Variants in RTN4IP1 observed in about 807,000 individuals in gnomAD.
RTN4IP1 encodes the protein NAD(P)H oxidoreductase RTN4IP1, mitochondrial.
A neutral mutation model predicts 46.6 loss-of-function variants in RTN4IP1; 32 were observed. That is an observed-to-expected ratio of 0.69 (90% CI 0.52 to 0.92). RTN4IP1 has a LOEUF of 0.92. Among genes scored for constraint, RTN4IP1 ranks in the 40% least tolerant of loss-of-function variants. The pLI is 0.00. For synonymous variants in RTN4IP1, 167 were observed against 161.8 expected (o/e 1.03, Z -0.24); for missense variants, 424 against 485.8 (o/e 0.87, Z 1.20).
intron 1 of RTN4IP1, among the ~76,000 whole-genome samples, chr6:106,623,643 T>G (rs1776552942): frequency 6.6e-6 from 1 of 152,236 alleles, no homozygotes; most frequent in Non-Finnish European, 1.5e-5. Flanking sequence ...AATCACTTAT[T>G]AAACTAAAGC....
intron 7 of RTN4IP1, among the ~76,000 whole-genome samples, chr6:106,585,919 A>G (rs962949736): frequency 6.6e-6 from 1 of 152,258 alleles, no homozygotes; most frequent in African/African-American, 2.4e-5. Context: ...AAAGCACTGG[A>G]AAATCTGGGT....
chr6:106,585,886 C>T (rs1343740614), intron 7 of RTN4IP1, among the ~76,000 whole-genome samples: 1 of 152,162 alleles, frequency 6.6e-6, no homozygotes, highest in Non-Finnish European at 1.5e-5. Context: ...TGAAATCTTA[C>T]AGAAAACTTA....
At chr6:106,623,976 T>G (rs938130056) in intron 1 of RTN4IP1, among the ~76,000 whole-genome samples, 5 of 152,236 alleles carry the variant, frequency 3.3e-5, no homozygotes, top group African/African-American at 1.2e-4. Context: ...TTGAAATAAA[T>G]TGGAATAAAT....
At position 106,602,884 on chromosome 6, in the gene RTN4IP1, A is replaced by G. The variant is rs915859150; in HGVS notation, c.659T>C (p.Phe220Ser). 4 of 1,602,370 alleles carry G rather than the reference A, an allele frequency of 2.5e-6. No individual in the cohort carries two copies. Among genetic ancestry groups the G allele is most frequent in the East Asian group, 2.2e-5 (1 of 44,466 alleles). The part of the protein sequence containing the change: ...ILGASGGVGT[F>S]AIQVMKAWDA... ...AAAAAATGGTTTTACCTGTATAGCA[A>G]AAGTACCAACTCCGCCTGAAGCGCC... The change falls in exon 5 of 9, where the codon TTT (phenylalanine) becomes TCT (serine). Residue 220 changes from phenylalanine to serine, a missense_variant. Transcript: ENST00000369063.
intron 4 of RTN4IP1, among the ~76,000 whole-genome samples, chr6:106,611,174 T>C (rs1277568604): frequency 6.6e-6 from 1 of 152,208 alleles, no homozygotes; most frequent in Non-Finnish European, 1.5e-5. Context: ...GCTGGGTATC[T>C]AGAGTCACGG....
In RTN4IP1 at chr6:106,622,799, G is replaced by GACAT; in HGVS notation, c.426+18_426+19insATGT. On this transcript the variant is annotated intron_variant, in intron 2 of 8. Coordinates refer to ENST00000369063, the MANE Select transcript of RTN4IP1 (RefSeq NM_032730.5). ...TGTGGGTTGGATCCCCGCAGGAATAGTGGCATTCCCTAACTCACCTCATCT... is the reference window on the plus strand; with the variant it reads ...TGTGGGTTGGATCCCCGCAGGAATAGACATTGGCATTCCCTAACTCACCTCATCT... The GACAT allele has an allele frequency of 6.2e-7, 1 of 1,606,172 alleles. No individual in the cohort carries two copies. The highest frequency in any genetic ancestry group is 8.5e-7 in the Non-Finnish European group (1 of 1,175,572).
chr6:106,622,896 A>G lies in RTN4IP1; in HGVS notation c.348T>C (p.Pro116=). The G allele has an allele frequency of 6.2e-7, 1 of 1,614,198 alleles. No individual in the cohort carries two copies. Among genetic ancestry groups the G allele is most frequent in the Non-Finnish European group, 8.5e-7 (1 of 1,180,028 alleles). The part of the protein sequence containing the change: ...LHVKIKGEEF[P]LTLGRDVSGV... ...CAGAGACATCCCGACCCAGAGTCAG[A>G]GGAAATTCTTCTCCTTTGATTTTCA... Residue 116 remains proline (P), a synonymous_variant, in exon 2 of 9, where the codon CCT becomes CCC. Coordinates refer to ENST00000369063, the MANE Select transcript of RTN4IP1 (RefSeq NM_032730.5).
intron 4 of RTN4IP1, among the ~76,000 whole-genome samples, chr6:106,611,810 G>A (rs1776231910): frequency 1.3e-5 from 2 of 152,196 alleles, no homozygotes; most frequent in Non-Finnish European, 2.9e-5. Context: ...AAGAGTTTGT[G>A]TGTGAATTAA....
In RTN4IP1 at chr6:106,622,824, T is replaced by C; in HGVS notation, c.420A>G (p.Gly140=). The C allele has an allele frequency of 6.2e-7, 1 of 1,612,994 alleles. No homozygotes were observed. The highest frequency in any genetic ancestry group is 8.5e-7 in the Non-Finnish European group (1 of 1,179,432). Residue 140 remains glycine, a synonymous_variant, in exon 2 of 9, where the codon GGA becomes GGG. Transcript: ENST00000369063. The part of the protein sequence containing the change: ...CGLDVKYFKP[G]DEVWAAVPPW... Reference sequence around the variant, plus strand: ...GTGGCATTCCCTAACTCACCTCATCTCCAGGCTTGAAGTATTTCACATCAA... The same window carrying C: ...GTGGCATTCCCTAACTCACCTCATCCCCAGGCTTGAAGTATTTCACATCAA...
intron 5 of RTN4IP1, among the ~76,000 whole-genome samples, 190 bp from the exon 6 acceptor site, chr6:106,592,490 TG>T (rs2114642256): frequency 6.6e-6 from 1 of 152,292 alleles, no homozygotes; most frequent in South Asian, 2.1e-4. Context: ...GTCAAACTTT[TG>T]TTCAGTAAGA....
At position 106,583,379 on chromosome 6, in the gene RTN4IP1, C is replaced by T. The variant is rs1775414272; in HGVS notation, c.1032G>A (p.Met344Ile). 3 of 1,613,554 alleles carry T rather than the reference C, an allele frequency of 1.9e-6. No individual in the cohort carries two copies. Among genetic ancestry groups the T allele is most frequent in the Admixed American group, 3.3e-5 (2 of 59,974 alleles). The change falls in exon 8 of 9, where the codon ATG becomes ATA. Residue 344 changes from methionine to isoleucine, a missense_variant. Met to Ile is a conservative substitution (Grantham distance 10). Coordinates refer to ENST00000369063, the MANE Select transcript of RTN4IP1 (RefSeq NM_032730.5). ...KGVHYRWAFF[M>I]ASGPCLDDIA... ...TGTCATCTAAACATGGGCCACTGGC[C>T]ATGAAAAATGCCCAGCGATAATGGA... is the stretch of plus-strand genomic sequence containing the variant.
At chr6:106,584,374 G>A (rs1281900690) in intron 7 of RTN4IP1, among the ~76,000 whole-genome samples, 1 of 152,190 alleles carries the variant, frequency 6.6e-6, no homozygotes, top group South Asian at 2.1e-4. Flanking sequence ...GTAGCAGAGG[G>A]TCAGCCAGTA....
rs6925367 is a variant in RTN4IP1, at chr6:106,622,653, C to T, written c.426+165G>A. Among the ~76,000 whole-genome samples, 10,857 of 152,236 alleles carry T rather than the reference C, an allele frequency of 0.071. 971 individuals are homozygous for T. Among genetic ancestry groups the T allele is most frequent in the African/African-American group, 0.19 (8,034 of 41,528 alleles). On this transcript the variant is annotated intron_variant, in intron 2 of 8. Transcript: ENST00000369063. The stretch of plus-strand genomic sequence containing the variant: ...TCATTTAATCTGTACTAAATAAATG[C>T]AAACTTTGTCAGTTTAGGGGGCAGA...
At chr6:106,606,202 G>A (rs1006207254) in intron 4 of RTN4IP1, among the ~76,000 whole-genome samples, 2 of 152,096 alleles carry the variant, frequency 1.3e-5, no homozygotes, top group South Asian at 2.1e-4. Flanking sequence ...CAGGCAGATC[G>A]CTTGAGTCCA....
chr6:106,598,247 T>C (rs1400121856), intron 5 of RTN4IP1, among the ~76,000 whole-genome samples: 1 of 152,184 alleles, frequency 6.6e-6, no homozygotes, highest in Non-Finnish European at 1.5e-5. Context: ...TATTTCTAGC[T>C]CTAGATCCCT....
Position 106,627,743 on chromosome 6 carries a change from C to CTTTT in RTN4IP1, c.274+1001_274+1004dup, listed in dbSNP as rs759953237. ...CAATCACAGTAAAGTCATTTCAATG[C>CTTTT]TTTTTTTTTTTTTTTTTTTTTTTTT... On this transcript the variant is annotated intron_variant, in intron 1 of 8. Coordinates refer to ENST00000369063, the MANE Select transcript of RTN4IP1 (RefSeq NM_032730.5). Among the ~76,000 whole-genome samples the CTTTT allele has an allele frequency of 7.4e-4, 39 of 52,990 alleles. 5 individuals carry two copies. The highest frequency in any genetic ancestry group is 9.4e-4 in the Non-Finnish European group (24 of 25,668). The allele number at this position is 52,990 out of a possible 152,430, so 34.8% of individuals were successfully genotyped here. A position where few individuals can be genotyped will look rare whatever the true frequency, so the allele number is the denominator to read the frequency against.
chr6:106,608,728 T>C (rs1240204492), intron 4 of RTN4IP1, among the ~76,000 whole-genome samples: 1 of 152,248 alleles, frequency 6.6e-6, no homozygotes, highest in Non-Finnish European at 1.5e-5. Context: ...AGGGCAGAGG[T>C]AAAGTACCTT....
chr6:106,587,738 A>G lies in RTN4IP1; in HGVS notation c.931T>C (p.Leu311=), dbSNP rs543916023. 2.4e-5 allele frequency: 38 copies of G among 1,613,904 alleles called. No individual in the cohort carries two copies. The highest frequency in any genetic ancestry group is 2.9e-5 in the Non-Finnish European group (34 of 1,179,986). Residue 311 remains leucine (L), a synonymous_variant, in exon 7 of 9, where the codon TTG becomes CTG. Coordinates refer to ENST00000369063, the MANE Select transcript of RTN4IP1 (RefSeq NM_032730.5). ...TGCAACATGCCATCTGCTATGCCCAATCGGTCCATGTTCAGGAGGAAAGGA... is the reference window on the plus strand; with the variant it reads ...TGCAACATGCCATCTGCTATGCCCAGTCGGTCCATGTTCAGGAGGAAAGGA... ...VTPFLLNMDR[L]GIADGMLQTG...
intron 7 of RTN4IP1, among the ~76,000 whole-genome samples, chr6:106,584,812 A>G (rs1775446367): frequency 6.6e-6 from 1 of 152,264 alleles, no homozygotes; most frequent in African/African-American, 2.4e-5. Flanking sequence ...TGCCTAGGCA[A>G]AGCTTCCCAC....
Sources: allele counts gnomAD v4.1 joint callset (sites outside exome capture counted in the v4.1 genomes callset), GRCh38; gene constraint gnomAD v4.1.1; transcripts MANE v1.5; gene names NCBI Gene and HGNC (gene_info 2026-07-23, HGNC 2026-07-21).